GTF2H1: variants seen among roughly 807,000 people sequenced by gnomAD.
GTF2H1 encodes general transcription factor IIH subunit 1.
Under a neutral mutation model 71.2 loss-of-function variants are expected in GTF2H1, and 16 were observed. The ratio of observed to expected loss-of-function variants is 0.22; its 90% CI spans 0.15 to 0.34. GTF2H1 has a LOEUF of 0.34. Among genes scored for constraint, GTF2H1 ranks in the 10% least tolerant of loss-of-function variants. GTF2H1 has a pLI of 1.00. For synonymous variants in GTF2H1, 215 were observed against 219.0 expected (o/e 0.98, Z 0.16); for missense variants, 498 against 648.2 (o/e 0.77, Z 2.52).
In GTF2H1 at chr11:18,360,602, T is replaced by G; in HGVS notation, c.1468-13T>G. ...AGATTTCTCTGTAATTTATTGTTTC[T>G]CATCTTTTTTAGGTAGTGAAAATGA... On this transcript the variant is annotated splice_polypyrimidine_tract_variant and intron_variant, in intron 13 of 14. Transcript: ENST00000265963. 7.8e-7 allele frequency: 1 copy of G among 1,284,382 alleles called. No homozygotes were observed. Among genetic ancestry groups the G allele is most frequent in the Non-Finnish European group, 1.1e-6 (1 of 915,464 alleles). The allele number at this position is 1,284,382 out of a possible 1,614,324, so 79.6% of individuals were successfully genotyped here. A position where few individuals can be genotyped will look rare whatever the true frequency, so the allele number is the denominator to read the frequency against.
intron 11 of GTF2H1, among the ~76,000 whole-genome samples, chr11:18,355,291 C>G (rs1030363467): frequency 6.6e-6 from 1 of 151,386 alleles, no homozygotes; most frequent in Non-Finnish European, 1.5e-5. Flanking sequence ...TATAGGCGCC[C>G]GCCACCACGC....
At chr11:18,332,995 C>T (rs1864936185) in intron 1 of GTF2H1, 65 bp from the exon 2 acceptor site, 1 of 1,130,940 alleles carries the variant, frequency 8.8e-7, no homozygotes, top group Non-Finnish European at 1.2e-6. Context: ...CTCTAGAAGT[C>T]AACAAATTCA....
intron 4 of GTF2H1, 70 bp downstream of exon 4, chr11:18,338,344 T>C (rs1282927812): frequency 1.0e-6 from 1 of 975,420 alleles, no homozygotes; most frequent in Non-Finnish European, 1.6e-6. Context: ...AAGACCATTA[T>C]TCCTTTTGTA....
At position 18,333,238 on chromosome 11, in the gene GTF2H1, C is replaced by T; in HGVS notation, c.154+10C>T. The stretch of plus-strand genomic sequence containing the variant: ...TATGCAGATATTAAATGTAAGTCAG[C>T]TATACTAAGTTCTGATGTATTTGTA... On this transcript the variant is annotated intron_variant, in intron 2 of 14. Transcript: ENST00000265963. 5.0e-6 allele frequency: 8 copies of T among 1,595,296 alleles called. No homozygotes were observed. Among genetic ancestry groups the T allele is most frequent in the Non-Finnish European group, 6.9e-6 (8 of 1,165,984 alleles).
At chr11:18,334,145 C>T (rs1023639428) in intron 2 of GTF2H1, among the ~76,000 whole-genome samples, 14 of 152,038 alleles carry the variant, frequency 9.2e-5, no homozygotes, top group East Asian at 1.9e-4. Flanking sequence ...TTTGGGAGGC[C>T]GAGGTGGGCG....
intron 5 of GTF2H1, 48 bp downstream of exon 5, chr11:18,339,705 C>CTATAG: frequency 3.8e-6 from 4 of 1,058,286 alleles, no homozygotes; most frequent in Non-Finnish European, 5.7e-6. Flanking sequence ...TGGATATATT[C>CTATAG]TATAGTATAT....
intron 9 of GTF2H1, chr11:18,351,461 C>G (rs1554955850): frequency 6.6e-6 from 1 of 151,198 alleles, no homozygotes; most frequent in South Asian, 2.1e-4. Flanking sequence ...ATAATTAAAA[C>G]AAAACAAAAC....
At chr11:18,347,531 T>C in intron 7 of GTF2H1, 57 bp from the exon 8 acceptor site, 1 of 1,342,862 alleles carries the variant, frequency 7.4e-7, no homozygotes, top group Non-Finnish European at 1.0e-6. Context: ...TAAGCGTGTC[T>C]TATAATAAGA....
At chr11:18,359,296 T>C (rs1380715107) in intron 13 of GTF2H1, among the ~76,000 whole-genome samples, 2 of 152,094 alleles carry the variant, frequency 1.3e-5, no homozygotes, top group African/African-American at 4.8e-5. Flanking sequence ...TCCCAACACT[T>C]TGGCGGGGCT....
chr11:18,361,768 G>GA (rs1288151264), intron 14 of GTF2H1, among the ~76,000 whole-genome samples: 30 of 152,324 alleles, frequency 2.0e-4, no homozygotes, highest in Middle Eastern at 3.4e-3. Flanking sequence ...GCAGCGTAAG[G>GA]AAAGATAGAA....
At position 18,365,875 on chromosome 11, in the gene GTF2H1, C is replaced by A; in HGVS notation, c.*6C>A. ...GTCTGATGAAGAAAACGTGAGGTGG[C>A]CATGATGCTTACAGGTTTTGTGAGA... On this transcript the variant is annotated 3_prime_UTR_variant, in exon 15 of 15. Coordinates refer to ENST00000265963, the MANE Select transcript of GTF2H1 (RefSeq NM_005316.4). The A allele has an allele frequency of 6.2e-7, 1 of 1,600,828 alleles. No individual in the cohort carries two copies. The highest frequency in any genetic ancestry group is 8.6e-7 in the Non-Finnish European group (1 of 1,168,118).
chr11:18,366,858 C>T lies in GTF2H1; in HGVS notation c.*989C>T, dbSNP rs1157785003. 4.2e-5 allele frequency: 6 copies of T among 144,216 alleles called. No homozygotes were observed. Among genetic ancestry groups the T allele is most frequent in the African/African-American group, 1.3e-4 (5 of 39,000 alleles). 8.9% of individuals were successfully genotyped at this position (144,216 alleles called of 1,614,324 possible). ...TTGACTGTTACTGTCCTTGGCGAATCGATAATCATTGCATAGTGACTGAAA... is the reference window on the plus strand; with the variant it reads ...TTGACTGTTACTGTCCTTGGCGAATTGATAATCATTGCATAGTGACTGAAA... On this transcript the variant is annotated 3_prime_UTR_variant, in exon 15 of 15. Coordinates refer to ENST00000265963, the MANE Select transcript of GTF2H1 (RefSeq NM_005316.4).
At chr11:18,339,935 TC>T (rs1865118112) in intron 5 of GTF2H1, among the ~76,000 whole-genome samples, 1 of 152,076 alleles carries the variant, frequency 6.6e-6, no homozygotes, top group African/African-American at 2.4e-5. Context: ...ACAAATTACT[TC>T]CCGTGCAGAT....
At chr11:18,348,706 C>T (rs1217344389) in intron 9 of GTF2H1, 1 of 152,044 alleles carries the variant, frequency 6.6e-6, no homozygotes, top group Non-Finnish European at 1.5e-5. Context: ...AATATTGCAT[C>T]AAAGAGTTCA....
chr11:18,334,992 A>G (rs555388255), intron 2 of GTF2H1, among the ~76,000 whole-genome samples: 95 of 152,118 alleles, frequency 6.2e-4, no homozygotes, highest in Non-Finnish European at 1.2e-3. Flanking sequence ...TATCCAATCT[A>G]GGTTCCTGTA....
chr11:18,347,862 C>T lies in GTF2H1; in HGVS notation c.996C>T (p.Pro332=), dbSNP rs1438652877. 1 of 1,613,170 alleles carries T rather than the reference C, an allele frequency of 6.2e-7. No individual in the cohort carries two copies. Among genetic ancestry groups the T allele is most frequent in the South Asian group, 1.1e-5 (1 of 90,914 alleles). The part of the protein sequence containing the change: ...QEAQNEQTSE[P]SNMDGNSGDA... ...CACAAAATGAACAAACTAGTGAGCCCAGCAACATGGATGGAAATTCCGGAG... is the reference window on the plus strand; with the variant it reads ...CACAAAATGAACAAACTAGTGAGCCTAGCAACATGGATGGAAATTCCGGAG... The change falls in exon 9 of 15, where the codon CCC becomes CCT. Residue 332 remains proline, a synonymous_variant. Coordinates refer to ENST00000265963, the MANE Select transcript of GTF2H1 (RefSeq NM_005316.4).
chr11:18,359,300 C>T (rs1484949273), intron 13 of GTF2H1, among the ~76,000 whole-genome samples: 1 of 152,030 alleles, frequency 6.6e-6, no homozygotes, highest in Non-Finnish European at 1.5e-5. Context: ...AACACTTTGG[C>T]GGGGCTGAGG....
At chr11:18,359,092 C>G (rs946431059) in intron 13 of GTF2H1, among the ~76,000 whole-genome samples, 1 of 152,150 alleles carries the variant, frequency 6.6e-6, no homozygotes, top group Non-Finnish European at 1.5e-5. Flanking sequence ...CTATAAATTG[C>G]TTTCATAAAC....
chr11:18,336,371 A>C (rs1020358761), intron 3 of GTF2H1, among the ~76,000 whole-genome samples: 1 of 151,862 alleles, frequency 6.6e-6, no homozygotes, highest in African/African-American at 2.4e-5. Context: ...CCAGTGATCC[A>C]CCCACCTCAG....
Sources: allele counts gnomAD v4.1 joint callset (sites outside exome capture counted in the v4.1 genomes callset), GRCh38; gene constraint gnomAD v4.1.1; transcripts MANE v1.5; gene names NCBI Gene and HGNC (gene_info 2026-07-23, HGNC 2026-07-21).